RBMS3: variants seen among roughly 807,000 people sequenced by gnomAD.
The protein encoded by RBMS3 is RNA-binding motif, single-stranded-interacting protein 3.
A neutral mutation model predicts 66.8 loss-of-function variants in RBMS3; 27 were observed. The ratio of observed to expected loss-of-function variants is 0.40; its 90% CI spans 0.30 to 0.56. RBMS3 has a LOEUF of 0.56. Ranked by LOEUF, RBMS3 falls within the 20% of genes least tolerant of loss-of-function variation. The pLI is 0.40. For synonymous variants in RBMS3, 188 were observed against 183.0 expected (o/e 1.03, Z -0.22); for missense variants, 513 against 549.5 (o/e 0.93, Z 0.66).
At chr3:29,388,299 T>C (rs1226908315) in intron 1 of RBMS3, among the ~76,000 whole-genome samples, 1 of 152,232 alleles carries the variant, frequency 6.6e-6, no homozygotes, top group East Asian at 1.9e-4. Context: ...CAGAAAAGTA[T>C]AAACTTCTGT....
intron 10 of RBMS3, among the ~76,000 whole-genome samples, chr3:29,911,915 T>C (rs1329709331): frequency 6.6e-6 from 1 of 152,038 alleles, no homozygotes; most frequent in Non-Finnish European, 1.5e-5. Flanking sequence ...TTATTAATCA[T>C]ACAAGTAAAA....
At chr3:29,430,257 G>A (rs2041128252) in intron 1 of RBMS3, among the ~76,000 whole-genome samples, 1 of 152,048 alleles carries the variant, frequency 6.6e-6, no homozygotes, top group African/African-American at 2.4e-5. Flanking sequence ...CCTACACTGG[G>A]TGTTAAAATC....
At chr3:29,811,781 G>C (rs540707955) in intron 6 of RBMS3, among the ~76,000 whole-genome samples, 1 of 152,280 alleles carries the variant, frequency 6.6e-6, no homozygotes, top group Non-Finnish European at 1.5e-5. Context: ...ATAAAGATGA[G>C]TGACCTCAAA....
At chr3:29,472,284 A>T (rs953872320) in intron 2 of RBMS3, among the ~76,000 whole-genome samples, 1 of 145,596 alleles carries the variant, frequency 6.9e-6, no homozygotes, top group African/African-American at 2.6e-5. Context: ...TGCAACCTCC[A>T]CTTCCCCGGT....
At chr3:29,992,801 G>A (rs967996351) in intron 14 of RBMS3, among the ~76,000 whole-genome samples, 1 of 120,384 alleles carries the variant, frequency 8.3e-6, no homozygotes, top group South Asian at 2.5e-4. Flanking sequence ...TCAAATGTAG[G>A]GGATGAGAAA....
intron 4 of RBMS3, among the ~76,000 whole-genome samples, chr3:29,686,810 G>A (rs1268710255): frequency 6.6e-6 from 1 of 151,984 alleles, no homozygotes; most frequent in African/African-American, 2.4e-5. Context: ...TAAAATAATA[G>A]GATATAACTT....
intron 3 of RBMS3, among the ~76,000 whole-genome samples, chr3:29,502,007 A>T (rs1304055831): frequency 6.6e-6 from 1 of 152,120 alleles, no homozygotes; most frequent in Non-Finnish European, 1.5e-5. Context: ...AGTCTCTTAG[A>T]ACATTCCTGT....
chr3:29,799,112 G>T (rs554051348), intron 6 of RBMS3, among the ~76,000 whole-genome samples: 43 of 152,176 alleles, frequency 2.8e-4, no homozygotes, highest in African/African-American at 1.0e-3. Context: ...GGAAATAATG[G>T]TCAATGCCTC....
rs112739902 is a variant in RBMS3, at chr3:29,828,529, A to G, written c.638-40329A>G. On this transcript the variant is annotated intron_variant, in intron 6 of 14. Coordinates refer to ENST00000383767, the MANE Select transcript of RBMS3 (RefSeq NM_001003793.3). ...TTTGTGATGTAAGAGGACAGAACACATATATACATATCTTTTCTACAAATG... is the reference window on the plus strand; with the variant it reads ...TTTGTGATGTAAGAGGACAGAACACGTATATACATATCTTTTCTACAAATG... Among the ~76,000 whole-genome samples the G allele has an allele frequency of 2.1e-3, 313 of 152,332 alleles. 1 individual carries two copies. The highest frequency in any genetic ancestry group is 2.9e-3 in the Non-Finnish European group (200 of 68,034).
chr3:29,762,180 G>GA (rs777252110), intron 5 of RBMS3, among the ~76,000 whole-genome samples: 30 of 152,112 alleles, frequency 2.0e-4, no homozygotes, highest in Non-Finnish European at 3.8e-4. Flanking sequence ...AAGATAGTAT[G>GA]AAAAAATAGG....
chr3:29,432,042 A>G (rs1241769834), intron 1 of RBMS3, among the ~76,000 whole-genome samples: 1 of 152,024 alleles, frequency 6.6e-6, no homozygotes, highest in Non-Finnish European at 1.5e-5. Flanking sequence ...CAATTTTCTT[A>G]TTCCCAACCT....
intron 1 of RBMS3, among the ~76,000 whole-genome samples, chr3:29,426,440 A>G (rs9861686): frequency 0.77 from 117,475 of 152,150 alleles, 45,633 homozygotes; most frequent in African/African-American, 0.86. Context: ...GCCTCTGAAT[A>G]GAATTCAATG....
chr3:29,343,063 GAA>G lies in RBMS3; in HGVS notation c.75+61310_75+61311del, dbSNP rs373959413. On this transcript the variant is annotated intron_variant, in intron 1 of 14. Coordinates refer to ENST00000383767, the MANE Select transcript of RBMS3 (RefSeq NM_001003793.3). ...TTCAGTAGGATACTTTTGAAATGGT[GAA>G]AAGTTTGTATCTGTATACATAAAAC... is the stretch of plus-strand genomic sequence containing the variant. Among the ~76,000 whole-genome samples, 18 of 152,182 alleles carry G rather than the reference GAA, an allele frequency of 1.2e-4. No individual in the cohort carries two copies. The South Asian group carries it at 3.5e-3, about 30-fold the overall frequency.
At chr3:29,802,218 A>G (rs1180995706) in intron 6 of RBMS3, among the ~76,000 whole-genome samples, 1 of 152,178 alleles carries the variant, frequency 6.6e-6, no homozygotes, top group Non-Finnish European at 1.5e-5. Flanking sequence ...CAGCCCAGGA[A>G]TCTACTTTAT....
At chr3:29,858,517 G>C (rs915487525) in intron 6 of RBMS3, among the ~76,000 whole-genome samples, 9 of 152,028 alleles carry the variant, frequency 5.9e-5, no homozygotes, top group African/African-American at 2.2e-4. Flanking sequence ...CACAAGTTTC[G>C]CTAGTCTGTT....
At chr3:29,359,934 T>C (rs2037464771) in intron 1 of RBMS3, among the ~76,000 whole-genome samples, 1 of 152,210 alleles carries the variant, frequency 6.6e-6, no homozygotes, top group Non-Finnish European at 1.5e-5. Flanking sequence ...GATTCTTCTC[T>C]CTTTTCTTCT....
At chr3:29,945,809 G>T (rs1291295177) in intron 12 of RBMS3, among the ~76,000 whole-genome samples, 2 of 151,640 alleles carry the variant, frequency 1.3e-5, no homozygotes, top group Admixed American at 1.3e-4. Flanking sequence ...CTAGGCTCAG[G>T]AGTTCTCACC....
intron 7 of RBMS3, among the ~76,000 whole-genome samples, chr3:29,870,575 G>C (rs1286117685): frequency 1.3e-5 from 2 of 152,122 alleles, no homozygotes; most frequent in African/African-American, 4.8e-5. Flanking sequence ...AAAATGTAGA[G>C]AGTTACAGCT....
chr3:29,872,390 C>A (rs2059513216), intron 7 of RBMS3, among the ~76,000 whole-genome samples: 1 of 152,100 alleles, frequency 6.6e-6, no homozygotes, highest in Admixed American at 6.6e-5. Flanking sequence ...GCATGTACTT[C>A]AGCATTCTCT....
Sources: allele counts gnomAD v4.1 joint callset (sites outside exome capture counted in the v4.1 genomes callset), GRCh38; gene constraint gnomAD v4.1.1; transcripts MANE v1.5; gene names NCBI Gene and HGNC (gene_info 2026-07-23, HGNC 2026-07-21).